The following NR3C2 variants were observed in gnomAD, a reference collection of about 807,000 sequenced individuals.
NR3C2 encodes the protein nuclear receptor subfamily 3 group C member 2, also known as mineralocorticoid receptor.
In NR3C2, 15 loss-of-function variants were observed where a neutral mutation model predicts 86.4. That is an observed-to-expected ratio of 0.17 (90% CI 0.12 to 0.27). The LOEUF (loss-of-function observed/expected upper bound fraction) is 0.27. Among genes scored for constraint, NR3C2 ranks in the 10% least tolerant of loss-of-function variants. NR3C2 has a pLI of 1.00. For missense variants in NR3C2, 960 were observed against 1,195.6 expected, an observed-to-expected ratio of 0.80 and a Z score of 2.91; for synonymous variants, 458 against 450.5, an observed-to-expected ratio of 1.02 and a Z score of -0.21.
intron 3 of NR3C2, among the ~76,000 whole-genome samples, chr4:148,217,564 T>C (rs1737604901): frequency 1.3e-5 from 2 of 152,230 alleles, no homozygotes; most frequent in South Asian, 4.1e-4. Context: ...TATTGTAGTC[T>C]CATCCTACCA....
At chr4:148,137,362 G>A (rs996242227) in intron 6 of NR3C2, among the ~76,000 whole-genome samples, 6 of 152,210 alleles carry the variant, frequency 3.9e-5, no homozygotes, top group Middle Eastern at 3.4e-3. Flanking sequence ...CTCTGCCAAG[G>A]CAGCTGCATC....
At chr4:148,212,998 GAAGA>G (rs1252396722) in intron 3 of NR3C2, among the ~76,000 whole-genome samples, 1 of 152,180 alleles carries the variant, frequency 6.6e-6, no homozygotes, top group Admixed American at 6.5e-5. Flanking sequence ...CACAGAGGAA[GAAGA>G]AATTAATGAG....
intron 3 of NR3C2, among the ~76,000 whole-genome samples, chr4:148,244,618 G>T (rs1362159023): frequency 6.6e-6 from 1 of 152,188 alleles, no homozygotes; most frequent in African/African-American, 2.4e-5. Flanking sequence ...CACATGCAGG[G>T]TCTTAACTTA....
At chr4:148,375,764 G>A (rs1048995348) in intron 2 of NR3C2, among the ~76,000 whole-genome samples, 6 of 152,004 alleles carry the variant, frequency 3.9e-5, no homozygotes, top group East Asian at 1.9e-4. Context: ...GCAGAACTCC[G>A]CACCCTTCCC....
At chr4:148,246,720 T>A (rs565961243) in intron 3 of NR3C2, among the ~76,000 whole-genome samples, 1 of 152,036 alleles carries the variant, frequency 6.6e-6, no homozygotes, top group Admixed American at 6.5e-5. Flanking sequence ...CCAGGCTAAT[T>A]TTTTGTATTT....
intron 2 of NR3C2, among the ~76,000 whole-genome samples, chr4:148,404,843 A>G (rs1748333952): frequency 6.6e-6 from 1 of 152,186 alleles, no homozygotes; most frequent in East Asian, 1.9e-4. Flanking sequence ...ATGTTACCTG[A>G]AGGAAAAAAT....
intron 2 of NR3C2, among the ~76,000 whole-genome samples, chr4:148,362,119 G>A (rs1009740246): frequency 1.3e-5 from 2 of 152,172 alleles, no homozygotes; most frequent in African/African-American, 2.4e-5. Flanking sequence ...GATTATGGGC[G>A]TGAGCCACCA....
chr4:148,163,086 G>A (rs1275234406), intron 4 of NR3C2, among the ~76,000 whole-genome samples: 1 of 152,186 alleles, frequency 6.6e-6, no homozygotes, highest in African/African-American at 2.4e-5. Context: ...GTCAAGATAA[G>A]ATACGAAGGG....
At chr4:148,360,817 T>A (rs1481778622) in intron 2 of NR3C2, among the ~76,000 whole-genome samples, 2 of 152,330 alleles carry the variant, frequency 1.3e-5, no homozygotes, top group East Asian at 3.9e-4. Context: ...AATTATATAA[T>A]GCTAACATCA....
At chr4:148,174,845 G>A (rs1735297366) in intron 4 of NR3C2, among the ~76,000 whole-genome samples, 1 of 152,120 alleles carries the variant, frequency 6.6e-6, no homozygotes, top group Admixed American at 6.5e-5. Flanking sequence ...CTGTTTCAGT[G>A]CTTGTCCTCT....
chr4:148,088,280 G>C (rs1182257082), intron 8 of NR3C2, among the ~76,000 whole-genome samples: 1 of 152,326 alleles, frequency 6.6e-6, no homozygotes, highest in Non-Finnish European at 1.5e-5. Context: ...GTGCAAATTA[G>C]TTCAAGCATT....
intron 4 of NR3C2, among the ~76,000 whole-genome samples, chr4:148,184,409 G>A (rs1174816288): frequency 6.6e-6 from 1 of 151,490 alleles, no homozygotes; most frequent in Non-Finnish European, 1.5e-5. Context: ...CAGTGAGCAT[G>A]CCATTGCACT....
chr4:148,182,968 C>G (rs1296393500), intron 4 of NR3C2, among the ~76,000 whole-genome samples: 1 of 152,202 alleles, frequency 6.6e-6, no homozygotes, highest in Non-Finnish European at 1.5e-5. Flanking sequence ...ATACCTCCCC[C>G]TCTGCCCCCA....
chr4:148,182,293 G>T (rs1735682301), intron 4 of NR3C2, among the ~76,000 whole-genome samples: 1 of 152,036 alleles, frequency 6.6e-6, no homozygotes, highest in African/African-American at 2.4e-5. Flanking sequence ...AAGATTGCTG[G>T]TGTTTCTTTC....
intron 3 of NR3C2, among the ~76,000 whole-genome samples, chr4:148,248,859 T>C (rs568954115): frequency 3.2e-4 from 48 of 152,316 alleles, no homozygotes; most frequent in Admixed American, 2.9e-3. Context: ...CTCTTTAAAA[T>C]ATAACGTTTA....
chr4:148,359,361 T>C (rs1294414623), intron 2 of NR3C2, among the ~76,000 whole-genome samples: 4 of 152,206 alleles, frequency 2.6e-5, no homozygotes, highest in Non-Finnish European at 4.4e-5. Context: ...AGTTCTTACA[T>C]GTTCCTGATA....
chr4:148,113,324 A>G (rs764327614), intron 8 of NR3C2, among the ~76,000 whole-genome samples: 6 of 152,222 alleles, frequency 3.9e-5, no homozygotes, highest in Non-Finnish European at 8.8e-5. Context: ...AGATTGGGTT[A>G]TTAGATTAAC....
intron 2 of NR3C2, among the ~76,000 whole-genome samples, chr4:148,324,530 A>G (rs1342157635): frequency 6.6e-6 from 1 of 152,154 alleles, no homozygotes; most frequent in Admixed American, 6.5e-5. Flanking sequence ...CTGCAGGGAG[A>G]GGAAAATGGG....
intron 4 of NR3C2, among the ~76,000 whole-genome samples, chr4:148,165,068 C>A (rs915112871): frequency 7.2e-5 from 11 of 152,144 alleles, no homozygotes; most frequent in Non-Finnish European, 1.6e-4. Context: ...ATGAGGGGAA[C>A]AGTTACACTA....
Sources: gnomAD v4.1 joint callset for allele counts (sites outside exome capture counted in the v4.1 genomes callset) on GRCh38, gnomAD v4.1.1 for gene constraint, MANE v1.5 for transcripts, NCBI Gene and HGNC (gene_info 2026-07-23, HGNC 2026-07-21) for gene names.